TIMP2: variants seen among roughly 807,000 people sequenced by gnomAD.
TIMP2 encodes metalloproteinase inhibitor 2.
A neutral mutation model predicts 24.3 loss-of-function variants in TIMP2; 5 were observed. The observed-to-expected ratio is 0.21, with a 90% confidence interval of 0.11 to 0.43. The LOEUF (loss-of-function observed/expected upper bound fraction) is 0.43, where lower values mean the gene tolerates loss of function less well. Among genes scored for constraint, TIMP2 ranks in the 20% least tolerant of loss-of-function variants. The probability of loss-of-function intolerance (pLI) is 1.00; values close to 1 mark genes in which losing one functional copy is unlikely to be tolerated. For missense variants in TIMP2, 221 were observed against 297.5 expected (o/e 0.74, Z 1.89); for synonymous variants, 130 against 123.2 (o/e 1.06, Z -0.37).
chr17:78,900,749 G>A (rs1314945896), intron 1 of TIMP2, among the ~76,000 whole-genome samples: 1 of 152,054 alleles, frequency 6.6e-6, no homozygotes, highest in African/African-American at 2.4e-5. Flanking sequence ...TTGCACAACT[G>A]GCCAAATCTT....
At position 78,911,516 on chromosome 17, in the gene TIMP2, C is replaced by T. The variant is rs150014096; in HGVS notation, c.130+13443G>A. ...CGTGATCTCAGCTCACTGCAACCTCCGCCTGGGTTCAAGTGATTCTCCTGC... is the reference window on the plus strand; with the variant it reads ...CGTGATCTCAGCTCACTGCAACCTCTGCCTGGGTTCAAGTGATTCTCCTGC... On this transcript the variant is annotated intron_variant, in intron 1 of 4. Coordinates refer to ENST00000262768, the MANE Select transcript of TIMP2 (RefSeq NM_003255.5). Among the ~76,000 whole-genome samples, 322 of 152,162 alleles carry T rather than the reference C, an allele frequency of 2.1e-3. 2 individuals are homozygous for T. Among genetic ancestry groups the T allele is most frequent in the African/African-American group, 7.2e-3 (298 of 41,542 alleles).
intron 3 of TIMP2, among the ~76,000 whole-genome samples, chr17:78,863,136 C>A (rs796852902): frequency 1.1e-4 from 16 of 152,344 alleles, no homozygotes; most frequent in African/African-American, 3.8e-4. Flanking sequence ...ACAAAGTGTG[C>A]CCCACAGTGG....
intron 1 of TIMP2, among the ~76,000 whole-genome samples, chr17:78,893,198 AGGATGTGTGTGCAT>A (rs2069933664): frequency 1.3e-5 from 1 of 77,936 alleles, no homozygotes; most frequent in African/African-American, 5.7e-5. Context: ...GGTGTGTGCA[AGGATGTGTGTGCAT>A]GTGTGTGCAG....
chr17:78,863,290 T>A (rs2069581944), intron 3 of TIMP2, among the ~76,000 whole-genome samples: 1 of 152,208 alleles, frequency 6.6e-6, no homozygotes, highest in South Asian at 2.1e-4. Flanking sequence ...TCGCCCAGGC[T>A]AGAGTGCAGT....
At chr17:78,867,780 CA>C (rs2069631245) in intron 3 of TIMP2, among the ~76,000 whole-genome samples, 2 of 150,854 alleles carry the variant, frequency 1.3e-5, no homozygotes, top group South Asian at 4.2e-4. Context: ...TTTGTATTTT[CA>C]GTGGAAACGG....
intron 1 of TIMP2, among the ~76,000 whole-genome samples, chr17:78,883,611 GC>G (rs1438871923): frequency 6.6e-6 from 1 of 152,074 alleles, no homozygotes; most frequent in Non-Finnish European, 1.5e-5. Context: ...AGGCCCTGCC[GC>G]CCCAGGGAAT....
At chr17:78,919,778 T>G (rs936613275) in intron 1 of TIMP2, among the ~76,000 whole-genome samples, 1 of 152,016 alleles carries the variant, frequency 6.6e-6, no homozygotes. Flanking sequence ...GAGCTTGCAG[T>G]GAGCCAAGAT....
intron 1 of TIMP2, among the ~76,000 whole-genome samples, chr17:78,917,115 A>G (rs1404452933): frequency 1.3e-5 from 2 of 151,980 alleles, no homozygotes; most frequent in African/African-American, 2.4e-5. Context: ...AGCCGGGCGT[A>G]GTGGCGGGCG....
At chr17:78,892,439 C>G in intron 1 of TIMP2, 1 of 1,549,198 alleles carries the variant, frequency 6.5e-7, no homozygotes, top group Non-Finnish European at 8.7e-7. Context: ...GCCACAGAAG[C>G]CACAACGTTC....
chr17:78,864,102 A>G (rs2069589111), intron 3 of TIMP2, among the ~76,000 whole-genome samples: 1 of 152,036 alleles, frequency 6.6e-6, no homozygotes, highest in Admixed American at 6.6e-5. Context: ...TAAAACAGAG[A>G]CAGGGTCCCG....
chr17:78,859,432 G>A (rs1485010911), intron 3 of TIMP2, among the ~76,000 whole-genome samples: 2 of 152,206 alleles, frequency 1.3e-5, no homozygotes, highest in Non-Finnish European at 2.9e-5. Flanking sequence ...GGCTGAGGTG[G>A]GCGGATCACT....
At chr17:78,862,580 G>C (rs2069576342) in intron 3 of TIMP2, among the ~76,000 whole-genome samples, 1 of 152,242 alleles carries the variant, frequency 6.6e-6, no homozygotes, top group Admixed American at 6.5e-5. Context: ...TTAGAAACAG[G>C]AAGTCCATGT....
chr17:78,868,077 T>C (rs2069633900), intron 3 of TIMP2, among the ~76,000 whole-genome samples: 1 of 152,164 alleles, frequency 6.6e-6, no homozygotes, highest in African/African-American at 2.4e-5. Flanking sequence ...ACCTAACAGG[T>C]GCTCACTAAG....
Position 78,857,633 on chromosome 17 carries a change from C to A in TIMP2, c.354G>T (p.Gly118=). Residue 118 remains glycine, a synonymous_variant, in exon 4 of 5, where the codon GGG becomes GGT. Coordinates refer to ENST00000262768, the MANE Select transcript of TIMP2 (RefSeq NM_003255.5). ...KEYLIAGKAE[G]DGKMHITLCD... is the part of the protein sequence containing the mutation. The stretch of plus-strand genomic sequence containing the variant: ...AGAGGGTGATGTGCATCTTGCCGTC[C>A]CCCTCGGCCTTTCCTGCGGAGAGAC... 1 of 1,614,158 alleles carries A rather than the reference C, an allele frequency of 6.2e-7. No individual in the cohort carries two copies. Among genetic ancestry groups the A allele is most frequent in the African/African-American group, 1.3e-5 (1 of 75,044 alleles).
At chr17:78,912,334 G>A (rs1341423867) in intron 1 of TIMP2, among the ~76,000 whole-genome samples, 1 of 152,186 alleles carries the variant, frequency 6.6e-6, no homozygotes, top group Non-Finnish European at 1.5e-5. Flanking sequence ...GGCAAAGCCT[G>A]CCCCACTGCC....
At chr17:78,910,850 T>C (rs1207111691) in intron 1 of TIMP2, among the ~76,000 whole-genome samples, 3 of 152,236 alleles carry the variant, frequency 2.0e-5, no homozygotes, top group Non-Finnish European at 1.5e-5. Context: ...TTTCATTCTT[T>C]AGCCATTCAT....
chr17:78,909,361 A>G (rs2070187764), intron 1 of TIMP2, among the ~76,000 whole-genome samples: 1 of 151,758 alleles, frequency 6.6e-6, no homozygotes, highest in South Asian at 2.1e-4. Context: ...ATCTCTTTAA[A>G]AAAAAAAAAG....
At position 78,873,763 on chromosome 17, in the gene TIMP2, C is replaced by T. The variant is rs1352948151; in HGVS notation, c.231+56G>A. On this transcript the variant is annotated intron_variant, in intron 2 of 4. Coordinates refer to ENST00000262768, the MANE Select transcript of TIMP2 (RefSeq NM_003255.5). ...AGGGACCCAGGCTCTCTGCCAACCCCAACACCCCACAGCTGTGCCCACAGT... is the reference window on the plus strand; with the variant it reads ...AGGGACCCAGGCTCTCTGCCAACCCTAACACCCCACAGCTGTGCCCACAGT... 5 of 1,496,896 alleles carry T rather than the reference C, an allele frequency of 3.3e-6. No homozygotes were observed. The Admixed American group carries it at 6.8e-5, about 20-fold the overall frequency. 92.7% of individuals were successfully genotyped at this position (1,496,896 alleles called of 1,614,324 possible). A position where few individuals can be genotyped will look rare whatever the true frequency, so the allele number is the denominator to read the frequency against.
chr17:78,899,103 T>C (rs2070048520), intron 1 of TIMP2: 2 of 152,266 alleles, frequency 1.3e-5, no homozygotes, highest in African/African-American at 4.8e-5. Context: ...ACTCTGCATC[T>C]CTAAAGCGCT....
Sources: gnomAD v4.1 joint callset for allele counts (sites outside exome capture counted in the v4.1 genomes callset) on GRCh38, gnomAD v4.1.1 for gene constraint, MANE v1.5 for transcripts, NCBI Gene and HGNC (gene_info 2026-07-23, HGNC 2026-07-21) for gene names.